Variants in RBFOX1 observed in about 807,000 individuals in gnomAD.
RBFOX1 encodes RNA binding fox-1 homolog 1, also known as RNA binding protein fox-1 homolog 1.
A neutral mutation model predicts 57.7 loss-of-function variants in RBFOX1; 8 were observed. That is an observed-to-expected ratio of 0.14 (90% CI 0.08 to 0.25). RBFOX1 has a LOEUF of 0.25. Among genes scored for constraint, RBFOX1 ranks in the 10% least tolerant of loss-of-function variants. The pLI is 1.00. For synonymous variants in RBFOX1, 326 were observed against 222.4 expected (o/e 1.47, Z -4.15); for missense variants, 611 against 548.5 (o/e 1.11, Z -1.14).
intron 3 of RBFOX1, among the ~76,000 whole-genome samples, chr16:6,955,855 G>T (rs184041126): frequency 2.6e-5 from 4 of 151,956 alleles, no homozygotes; most frequent in Non-Finnish European, 4.4e-5. Context: ...ATAGATGCAT[G>T]CCACCATGCT....
At chr16:5,615,039 T>G (rs2047970380) in intron 3 of RBFOX1, among the ~76,000 whole-genome samples, 1 of 152,054 alleles carries the variant, frequency 6.6e-6, no homozygotes, top group Non-Finnish European at 1.5e-5. Flanking sequence ...TTCAGCTCAG[T>G]TTTGTTTGTT....
chr16:6,398,956 C>T (rs2092953278), intron 2 of RBFOX1, among the ~76,000 whole-genome samples: 1 of 152,228 alleles, frequency 6.6e-6, no homozygotes, highest in Non-Finnish European at 1.5e-5. Flanking sequence ...GGATTCTGCC[C>T]CAGTAGCAGA....
chr16:7,513,503 C>T (rs996355329), intron 4 of RBFOX1, among the ~76,000 whole-genome samples: 4 of 152,164 alleles, frequency 2.6e-5, no homozygotes, highest in African/African-American at 9.7e-5. Context: ...GACCTTGGCA[C>T]TATTAACATT....
chr16:6,281,926 G>T (rs1304604667), intron 1 of RBFOX1, among the ~76,000 whole-genome samples: 7 of 152,070 alleles, frequency 4.6e-5, no homozygotes, highest in Non-Finnish European at 8.8e-5. Context: ...TGAATAGAGA[G>T]AAAAGTGGAA....
At chr16:7,183,161 C>T (rs909740513) in intron 4 of RBFOX1, among the ~76,000 whole-genome samples, 1 of 152,128 alleles carries the variant, frequency 6.6e-6, no homozygotes, top group African/African-American at 2.4e-5. Context: ...TTAGTTGAGG[C>T]AGAGTGGGTT....
intron 3 of RBFOX1, among the ~76,000 whole-genome samples, chr16:5,663,244 T>A (rs2049716037): frequency 6.6e-6 from 1 of 152,174 alleles, no homozygotes; most frequent in Non-Finnish European, 1.5e-5. Context: ...AGAATCTTGT[T>A]CTGTCACCCG....
At chr16:6,355,347 G>A (rs146674302) in intron 2 of RBFOX1, among the ~76,000 whole-genome samples, 26 of 150,630 alleles carry the variant, frequency 1.7e-4, no homozygotes, top group Non-Finnish European at 1.9e-4. Flanking sequence ...ATGTGTTCTC[G>A]TTGTTCAACT....
intron 1 of RBFOX1, among the ~76,000 whole-genome samples, chr16:6,210,345 C>CAAAAAAAAAAAAAAAAAAAAA (rs770814967): frequency 3.8e-5 from 1 of 26,018 alleles, no homozygotes; most frequent in Non-Finnish European, 6.6e-5. Flanking sequence ...AACAAAAAAA[C>CAAAAAAAAAAAAAAAAAAAAA]AAAAAAAAAA....
chr16:5,728,455 A>T (rs1006172859), intron 3 of RBFOX1, among the ~76,000 whole-genome samples: 1 of 152,230 alleles, frequency 6.6e-6, no homozygotes, highest in African/African-American at 2.4e-5. Flanking sequence ...GCTCAAGGGA[A>T]GTCATCCACA....
intron 1 of RBFOX1, among the ~76,000 whole-genome samples, chr16:6,176,645 T>C (rs2097013090): frequency 6.6e-6 from 1 of 152,176 alleles, no homozygotes; most frequent in Non-Finnish European, 1.5e-5. Flanking sequence ...TAACAATTAT[T>C]GTTATGAGTA....
At chr16:6,356,042 A>C (rs1327998005) in intron 2 of RBFOX1, among the ~76,000 whole-genome samples, 1 of 152,270 alleles carries the variant, frequency 6.6e-6, no homozygotes, top group Non-Finnish European at 1.5e-5. Flanking sequence ...ATTAAAATAA[A>C]TATTCATGAG....
At chr16:6,786,911 A>ATT (rs879846202) in intron 3 of RBFOX1, among the ~76,000 whole-genome samples, 3,429 of 150,820 alleles carry the variant, frequency 0.023, 59 homozygotes, top group South Asian at 0.063. Flanking sequence ...TTACTTTTAA[A>ATT]AAAAAAAAGG....
At chr16:7,286,717 G>C (rs530561379) in intron 4 of RBFOX1, among the ~76,000 whole-genome samples, 61 of 148,926 alleles carry the variant, frequency 4.1e-4, no homozygotes, top group African/African-American at 1.4e-3. Flanking sequence ...TCCGCCTCCT[G>C]GGTACCCACC....
intron 1 of RBFOX1, among the ~76,000 whole-genome samples, chr16:5,378,978 A>C (rs2066062223): frequency 6.6e-6 from 1 of 151,626 alleles, no homozygotes; most frequent in Admixed American, 6.5e-5. Context: ...CTTTCCATTA[A>C]GAAATCCTTC....
chr16:7,017,840 T>C (rs922165649), intron 3 of RBFOX1, among the ~76,000 whole-genome samples: 6 of 152,292 alleles, frequency 3.9e-5, no homozygotes, highest in African/African-American at 1.4e-4. Flanking sequence ...TTTATTTATT[T>C]GTGCATTCAT....
At chr16:7,402,503 C>G (rs72771130) in intron 4 of RBFOX1, among the ~76,000 whole-genome samples, 280 of 152,296 alleles carry the variant, frequency 1.8e-3, no homozygotes, top group Non-Finnish European at 3.3e-3. Context: ...AAAATAAAGA[C>G]TCCTTGCTGC....
chr16:7,503,543 G>T (rs948213308), intron 4 of RBFOX1, among the ~76,000 whole-genome samples: 3 of 152,272 alleles, frequency 2.0e-5, no homozygotes, highest in Admixed American at 6.5e-5. Context: ...ATTAGCAATG[G>T]CACAAGTCAT....
chr16:6,641,957 G>A (rs1249625722), intron 2 of RBFOX1, among the ~76,000 whole-genome samples: 1 of 151,980 alleles, frequency 6.6e-6, no homozygotes, highest in African/African-American at 2.4e-5. Flanking sequence ...TTTTGACTGC[G>A]TTAATTATTC....
chr16:6,237,775 A>C (rs2097517075), intron 1 of RBFOX1, among the ~76,000 whole-genome samples: 1 of 151,862 alleles, frequency 6.6e-6, no homozygotes, highest in South Asian at 2.1e-4. Context: ...AATTAAATTA[A>C]ATGAAATTAA....
Sources: allele counts gnomAD v4.1 joint callset (sites outside exome capture counted in the v4.1 genomes callset), GRCh38; gene constraint gnomAD v4.1.1; transcripts MANE v1.5; gene names NCBI Gene and HGNC (gene_info 2026-07-23, HGNC 2026-07-21).